Variants in RALGPS1 observed in about 807,000 individuals in gnomAD.
RALGPS1 encodes the protein Ral GEF with PH domain and SH3 binding motif 1.
A neutral mutation model predicts 78.8 loss-of-function variants in RALGPS1; 19 were observed. That is an observed-to-expected ratio of 0.24 (90% CI 0.17 to 0.35). The LOEUF is 0.35. Among genes scored for constraint, RALGPS1 ranks in the 10% least tolerant of loss-of-function variants. The probability of loss-of-function intolerance (pLI) is 1.00; values close to 1 mark genes in which losing one functional copy is unlikely to be tolerated. For synonymous variants in RALGPS1, 228 were observed against 256.3 expected (o/e 0.89, Z 1.06); for missense variants, 454 against 688.3 (o/e 0.66, Z 3.81).
chr9:127,168,888 C>G (rs1406316512), intron 10 of RALGPS1, 116 bp downstream of exon 10: 2 of 776,384 alleles, frequency 2.6e-6, no homozygotes, highest in Admixed American at 2.1e-5. Context: ...ACCTGCAGGG[C>G]TTATCAGAGT....
intron 8 of RALGPS1, among the ~76,000 whole-genome samples, chr9:127,141,279 GAA>G (rs1180377691): frequency 6.6e-6 from 1 of 152,132 alleles, no homozygotes. Flanking sequence ...AACTCTGACT[GAA>G]AAAGAGGGAA....
At chr9:127,129,445 G>GC (rs2056854044) in intron 8 of RALGPS1, among the ~76,000 whole-genome samples, 2 of 152,178 alleles carry the variant, frequency 1.3e-5, no homozygotes, top group South Asian at 4.1e-4. Context: ...AGTCAGTGGG[G>GC]GGGGATTCCA....
intron 1 of RALGPS1, among the ~76,000 whole-genome samples, chr9:126,961,563 G>C (rs1238317510): frequency 6.6e-6 from 1 of 152,184 alleles, no homozygotes; most frequent in African/African-American, 2.4e-5. Context: ...TAGCACTTTG[G>C]GAGGCCCAGG....
intron 17 of RALGPS1, chr9:127,214,006 TGTCTGAGTGACTGAA>T (rs1385485511): frequency 2.0e-5 from 3 of 152,238 alleles, no homozygotes; most frequent in Non-Finnish European, 4.4e-5. Flanking sequence ...CTCTGCTCCG[TGTCTGAGTGACTGAA>T]GCCACATTTG....
At chr9:127,127,904 C>T (rs547981672) in intron 8 of RALGPS1, among the ~76,000 whole-genome samples, 3 of 151,848 alleles carry the variant, frequency 2.0e-5, no homozygotes, top group Admixed American at 6.6e-5. Context: ...ACTTTAAGTT[C>T]TGGGGTATAT....
At chr9:127,075,928 G>A (rs1408710931) in intron 8 of RALGPS1, among the ~76,000 whole-genome samples, 1 of 152,228 alleles carries the variant, frequency 6.6e-6, no homozygotes, top group Non-Finnish European at 1.5e-5. Context: ...CCACATGGGT[G>A]TGATTCTGAC....
At chr9:127,036,329 G>T (rs144918240) in intron 5 of RALGPS1, among the ~76,000 whole-genome samples, 23 of 152,304 alleles carry the variant, frequency 1.5e-4, no homozygotes, top group African/African-American at 5.5e-4. Context: ...ACTCGTTGGC[G>T]TCCCTTCCTG....
chr9:127,161,268 G>C (rs934441705), intron 8 of RALGPS1, among the ~76,000 whole-genome samples: 2 of 152,234 alleles, frequency 1.3e-5, no homozygotes, highest in Non-Finnish European at 2.9e-5. Context: ...CCATGCTGCT[G>C]CTTCAAATAG....
At chr9:127,009,516 A>T (rs1344976436) in intron 4 of RALGPS1, among the ~76,000 whole-genome samples, 1 of 152,214 alleles carries the variant, frequency 6.6e-6, no homozygotes, top group African/African-American at 2.4e-5. Context: ...TGATTTCATT[A>T]TTAATGGTCA....
At chr9:126,941,969 C>T (rs921208242) in intron 1 of RALGPS1, among the ~76,000 whole-genome samples, 2 of 152,104 alleles carry the variant, frequency 1.3e-5, no homozygotes, top group African/African-American at 4.8e-5. Context: ...TAGTGCTTTA[C>T]AAAAAATAGC....
rs1018140073 is a variant in RALGPS1 at position 127,183,124 on chromosome 9, T to C, written c.910+8342T>C. Among the ~76,000 whole-genome samples the C allele has an allele frequency of 6.6e-6, 1 of 152,060 alleles. No individual in the cohort carries two copies. Among genetic ancestry groups the C allele is most frequent in the African/African-American group, 2.4e-5 (1 of 41,408 alleles). The stretch of plus-strand genomic sequence containing the variant: ...AACTCACTCATCACCAGGGGGATGG[T>C]GCTAAGCCATTCATGAAGGATCCGC... On this transcript the variant is annotated intron_variant, in intron 11 of 18. Coordinates refer to ENST00000259351, the MANE Select transcript of RALGPS1 (RefSeq NM_014636.3). The surrounding 1 kb of genome is among the most constrained non-coding windows in gnomAD (Gnocchi z 4.0).
intron 8 of RALGPS1, among the ~76,000 whole-genome samples, chr9:127,139,644 A>T (rs1436877242): frequency 6.6e-6 from 1 of 152,210 alleles, no homozygotes; most frequent in African/African-American, 2.4e-5. Flanking sequence ...TCCACCTCTG[A>T]CAAGACAGGC....
intron 5 of RALGPS1, among the ~76,000 whole-genome samples, chr9:127,047,687 A>T (rs530555032): frequency 1.3e-5 from 2 of 150,546 alleles, no homozygotes; most frequent in African/African-American, 4.9e-5. Flanking sequence ...TGACAGAGCG[A>T]GACGCCCTCT....
At chr9:127,035,433 T>C (rs2046782292) in intron 5 of RALGPS1, among the ~76,000 whole-genome samples, 1 of 152,226 alleles carries the variant, frequency 6.6e-6, no homozygotes. Context: ...GGAGAAAGCA[T>C]GCAAACCCCC....
At chr9:126,976,029 T>A (rs772380172) in intron 3 of RALGPS1, among the ~76,000 whole-genome samples, 3 of 152,354 alleles carry the variant, frequency 2.0e-5, no homozygotes, top group East Asian at 1.9e-4. Context: ...TGCTTTGGCC[T>A]GTATCCCGTG....
Position 127,211,681 on chromosome 9 carries a change from C to G in RALGPS1, c.1248-450C>G, listed in dbSNP as rs2062270077. Among the ~76,000 whole-genome samples, 1 of 152,194 alleles carries G rather than the reference C, an allele frequency of 6.6e-6. No individual in the cohort carries two copies. The highest frequency in any genetic ancestry group is 3.4e-3 in the Middle Eastern group (1 of 294). ...ATGGTGCGTGTGGGCTCGCGTCCCTCCTGTCCCTCCACACCACCTCTTCCC... is the reference window on the plus strand; with the variant it reads ...ATGGTGCGTGTGGGCTCGCGTCCCTGCTGTCCCTCCACACCACCTCTTCCC... On this transcript the variant is annotated intron_variant, in intron 14 of 18. Coordinates refer to ENST00000259351, the MANE Select transcript of RALGPS1 (RefSeq NM_014636.3). This position sits in a 1 kb window ranked among gnomAD's most constrained non-coding sequence, Gnocchi z 5.0.
chr9:126,982,956 G>A (rs193195742), intron 4 of RALGPS1, among the ~76,000 whole-genome samples: 988 of 47,298 alleles, frequency 0.021, 80 homozygotes, highest in Admixed American at 0.18. Context: ...TTTTTTTTGA[G>A]GTGGAGTTTC....
intron 3 of RALGPS1, among the ~76,000 whole-genome samples, chr9:126,973,561 A>G (rs1454222734): frequency 2.0e-5 from 3 of 152,234 alleles, no homozygotes; most frequent in Non-Finnish European, 4.4e-5. Context: ...GTCACATTGA[A>G]GAACTTCTGG....
rs2061286414 is a variant in RALGPS1, at chr9:127,195,143, T to C, written c.963T>C (p.Pro321=). The C allele has an allele frequency of 6.2e-7, 1 of 1,613,328 alleles. No individual in the cohort carries two copies. Among genetic ancestry groups the C allele is most frequent in the African/African-American group, 1.3e-5 (1 of 74,906 alleles). Residue 321 remains proline (P), a synonymous_variant, in exon 12 of 19, where the codon CCT becomes CCC. Transcript: ENST00000259351. ...GGTTCAGCCGGAGGCCCACCTGTCC[T>C]GACACATCTGTTGCTGGCAGCCTCC... The part of the protein sequence containing the change: ...SARFSRRPTC[P]DTSVAGSLPT...
Sources: allele counts gnomAD v4.1 joint callset (sites outside exome capture counted in the v4.1 genomes callset), GRCh38; gene constraint gnomAD v4.1.1; non-coding constraint Gnocchi (gnomAD v3.1); transcripts MANE v1.5; gene names NCBI Gene and HGNC (gene_info 2026-07-23, HGNC 2026-07-21).